Variants in MALRD1 observed in about 807,000 individuals in gnomAD.
MALRD1 encodes MAM and LDL-receptor class A domain-containing protein 1.
In MALRD1, 247 loss-of-function variants were observed where a neutral mutation model predicts 242.1. The observed-to-expected ratio is 1.02, with a 90% CI of 0.92 to 1.13. The LOEUF is 1.13. MALRD1 is among the 50% of genes most tolerant of loss of function. The pLI is 0.00. For missense variants in MALRD1, 2,989 were observed against 2,533.1 expected, an observed-to-expected ratio of 1.18 and a Z score of -3.86; for synonymous variants, 995 against 866.6, an observed-to-expected ratio of 1.15 and a Z score of -2.60.
chr10:19,463,858 C>T (rs116763919), intron 29 of MALRD1, among the ~76,000 whole-genome samples: 242 of 152,166 alleles, frequency 1.6e-3, no homozygotes, highest in African/African-American at 5.6e-3. Context: ...TCCCTTTGTG[C>T]CACATCCGCA....
At chr10:19,441,457 G>T (rs1039116730) in intron 28 of MALRD1, among the ~76,000 whole-genome samples, 6 of 152,114 alleles carry the variant, frequency 3.9e-5, no homozygotes, top group African/African-American at 1.4e-4. Flanking sequence ...TTTCTTCTAG[G>T]ATTTTTATGG....
intron 28 of MALRD1, among the ~76,000 whole-genome samples, chr10:19,430,066 A>G (rs901579550): frequency 6.7e-5 from 10 of 149,220 alleles, no homozygotes; most frequent in South Asian, 2.1e-4. Flanking sequence ...AGTGCCTTCA[A>G]TCATGCCGCT....
chr10:19,386,849 A>T (rs1055740213), intron 26 of MALRD1, among the ~76,000 whole-genome samples: 2 of 152,250 alleles, frequency 1.3e-5, no homozygotes, highest in Middle Eastern at 6.8e-3. Flanking sequence ...AAGTCATGTT[A>T]CTAATAAATA....
chr10:19,481,497 C>G (rs936432853), intron 29 of MALRD1, among the ~76,000 whole-genome samples: 1 of 152,024 alleles, frequency 6.6e-6, no homozygotes, highest in African/African-American at 2.4e-5. Context: ...TCTGATAGTT[C>G]CTTCTAGAAT....
rs1839788883 is a variant in MALRD1 at position 19,628,798 on chromosome 10, T to G, written c.6137+12875T>G. 2.6e-5 allele frequency among the ~76,000 whole-genome samples: 4 copies of G among 152,198 alleles called. No individual in the cohort carries two copies. In the South Asian group the frequency reaches 8.3e-4, roughly 31 times the overall value. On this transcript the variant is annotated intron_variant, in intron 36 of 39. Coordinates refer to ENST00000454679, the MANE Select transcript of MALRD1 (RefSeq NM_001142308.3). ...AAAGGAAAAAAGAGTTTTTATATTT[T>G]TAAAAATACTAACATATGTTACAGT...
chr10:19,385,707 A>G (rs1053664230), intron 26 of MALRD1, among the ~76,000 whole-genome samples: 2 of 151,952 alleles, frequency 1.3e-5, no homozygotes, highest in Non-Finnish European at 2.9e-5. Context: ...GACATTCTCT[A>G]TGGTTTATTC....
intron 11 of MALRD1, among the ~76,000 whole-genome samples, chr10:19,149,878 G>T (rs1163112613): frequency 6.6e-6 from 1 of 152,132 alleles, no homozygotes; most frequent in Non-Finnish European, 1.5e-5. Flanking sequence ...TCAATGATCT[G>T]ATTTCTAGCC....
Position 19,136,721 on chromosome 10 carries a change from T to C in MALRD1, c.1351T>C (p.Ser451Pro). The C allele has an allele frequency of 2.5e-5, 31 of 1,231,652 alleles. No individual in the cohort carries two copies. The highest frequency in any genetic ancestry group is 3.0e-5 in the Non-Finnish European group (30 of 987,968). The allele number at this position is 1,231,652 out of a possible 1,614,324, so 76.3% of individuals were successfully genotyped here. Residue 451 changes from serine to proline, a missense_variant, in exon 10 of 40, where the codon TCT becomes CCT. By Grantham distance (74) the Ser-to-Pro change is moderately conservative. Coordinates refer to ENST00000454679, the MANE Select transcript of MALRD1 (RefSeq NM_001142308.3). ...TAGTGGCCAGTGCATCGCCAAAGAA[T>C]CTGTCTGTGACTCTCGGCAGGACTG... ...CTSGQCIAKE[S>P]VCDSRQDCSD...
chr10:19,101,843 TG>T (rs1369108802), intron 4 of MALRD1, among the ~76,000 whole-genome samples: 6 of 136,550 alleles, frequency 4.4e-5, no homozygotes, highest in African/African-American at 1.6e-4. Flanking sequence ...TATCTCTACT[TG>T]GAGATATATC....
chr10:19,248,352 G>A (rs1401185728), intron 18 of MALRD1, among the ~76,000 whole-genome samples: 1 of 150,574 alleles, frequency 6.6e-6, no homozygotes, highest in East Asian at 2.0e-4. Context: ...CTCTTGTAAG[G>A]GTCCAAAGTC....
intron 26 of MALRD1, among the ~76,000 whole-genome samples, chr10:19,377,905 T>A (rs2130774165): frequency 6.6e-6 from 1 of 152,254 alleles, no homozygotes; most frequent in East Asian, 1.9e-4. Context: ...CCCAGTTCTA[T>A]GAAATACCAA....
intron 28 of MALRD1, among the ~76,000 whole-genome samples, chr10:19,432,560 C>T (rs1449161094): frequency 6.6e-6 from 1 of 152,088 alleles, no homozygotes; most frequent in African/African-American, 2.4e-5. Context: ...CTGTTTTAGG[C>T]ATGGGAAATC....
chr10:19,624,867 T>G (rs1024934174), intron 36 of MALRD1, among the ~76,000 whole-genome samples: 2 of 106,068 alleles, frequency 1.9e-5, no homozygotes, highest in Admixed American at 1.2e-4. Context: ...AGGGAGACTA[T>G]CTCAAAAAAG....
At chr10:19,350,814 G>A (rs1051006206) in intron 25 of MALRD1, among the ~76,000 whole-genome samples, 3 of 152,098 alleles carry the variant, frequency 2.0e-5, no homozygotes, top group Non-Finnish European at 2.9e-5. Flanking sequence ...AGCTGCAAGG[G>A]GTCCTTGCAG....
intron 19 of MALRD1, among the ~76,000 whole-genome samples, chr10:19,270,807 A>AACACAAAC (rs1554823236): frequency 1.4e-4 from 21 of 145,054 alleles, no homozygotes; most frequent in African/African-American, 5.1e-4. Flanking sequence ...TTCAAAGGAT[A>AACACAAAC]ACACACACAC....
chr10:19,115,439 A>T (rs182805957), intron 5 of MALRD1, among the ~76,000 whole-genome samples: 10,670 of 151,558 alleles, frequency 0.07, 426 homozygotes, highest in Middle Eastern at 0.13. Context: ...TTTTTTTTTT[A>T]AAAGTAAAAA....
intron 26 of MALRD1, among the ~76,000 whole-genome samples, chr10:19,376,392 C>T (rs75662889): frequency 0.018 from 2,701 of 152,038 alleles, 75 homozygotes; most frequent in African/African-American, 0.061. Context: ...GGGCAAAATG[C>T]TGTTAACGTG....
chr10:19,107,218 A>G (rs1836494396), intron 5 of MALRD1, among the ~76,000 whole-genome samples: 3 of 152,038 alleles, frequency 2.0e-5, no homozygotes, highest in Admixed American at 2.0e-4. Context: ...CATTGCTGAA[A>G]GTAGGGAGTT....
chr10:19,304,451 C>T (rs1379981139), intron 21 of MALRD1, among the ~76,000 whole-genome samples: 1 of 151,540 alleles, frequency 6.6e-6, no homozygotes, highest in Non-Finnish European at 1.5e-5. Context: ...ATAGCATATC[C>T]GTTTCAAAAT....
Sources: gnomAD v4.1 joint callset for allele counts (sites outside exome capture counted in the v4.1 genomes callset) on GRCh38, gnomAD v4.1.1 for gene constraint, MANE v1.5 for transcripts, NCBI Gene and HGNC (gene_info 2026-07-23, HGNC 2026-07-21) for gene names.